Variants in AGBL4 observed in about 807,000 individuals in gnomAD.
AGBL4 encodes the protein cytosolic carboxypeptidase 6.
AGBL4 carries 58 observed loss-of-function variants against 66.4 expected under a neutral mutation model. That is an observed-to-expected ratio of 0.87 (90% CI 0.71 to 1.09). The LOEUF (loss-of-function observed/expected upper bound fraction) is 1.09. Ranked by LOEUF, AGBL4 falls within the 50% of genes least tolerant of loss-of-function variation. The pLI is 0.00. For synonymous variants in AGBL4, 234 were observed against 222.9 expected (o/e 1.05, Z -0.44); for missense variants, 579 against 631.0 (o/e 0.92, Z 0.88).
chr1:48,944,306 TGA>T (rs902048653), intron 5 of AGBL4, among the ~76,000 whole-genome samples: 2 of 152,078 alleles, frequency 1.3e-5, no homozygotes, highest in African/African-American at 4.8e-5. Context: ...AAAGCTGAGT[TGA>T]GTTTTCTCCT....
chr1:49,833,410 T>C (rs1410791809), intron 2 of AGBL4, among the ~76,000 whole-genome samples: 2 of 152,162 alleles, frequency 1.3e-5, no homozygotes, highest in African/African-American at 2.4e-5. Flanking sequence ...TGTAGTATAG[T>C]TTGAAGTCAG....
intron 3 of AGBL4, among the ~76,000 whole-genome samples, chr1:49,444,529 CT>C (rs894235410): frequency 2.0e-5 from 3 of 151,688 alleles, no homozygotes; most frequent in Admixed American, 6.6e-5. Context: ...ATGTAATAAC[CT>C]TTTTTTTCCT....
chr1:48,943,522 C>G (rs756417751), intron 5 of AGBL4, among the ~76,000 whole-genome samples: 4 of 152,228 alleles, frequency 2.6e-5, no homozygotes, highest in Non-Finnish European at 5.9e-5. Context: ...TACACTCCCA[C>G]TGAGGCATGC....
intron 3 of AGBL4, among the ~76,000 whole-genome samples, chr1:49,567,309 TGCACCCACTTTCCG>T (rs981136987): frequency 6.6e-6 from 1 of 152,208 alleles, no homozygotes; most frequent in Non-Finnish European, 1.5e-5. Flanking sequence ...CCCACTGTCC[TGCACCCACTTTCCG>T]GCACTCCCCA....
chr1:49,648,111 G>C (rs1320229421), intron 3 of AGBL4, among the ~76,000 whole-genome samples: 2 of 152,050 alleles, frequency 1.3e-5, no homozygotes, highest in African/African-American at 4.8e-5. Context: ...ATGCTAATGG[G>C]TGAAGTAGAC....
chr1:48,712,797 G>A (rs142321859), intron 6 of AGBL4, among the ~76,000 whole-genome samples: 54 of 152,334 alleles, frequency 3.5e-4, no homozygotes, highest in Admixed American at 2.0e-3. Context: ...TTATCAAATT[G>A]ACCTTGTCAG....
intron 1 of AGBL4, among the ~76,000 whole-genome samples, chr1:50,005,298 G>C (rs1339111784): frequency 1.3e-5 from 2 of 152,148 alleles, no homozygotes; most frequent in Admixed American, 1.3e-4. Context: ...TACAGAGAGA[G>C]AAACTCTGTT....
In AGBL4 at chr1:49,304,047, T is replaced by C. The variant is rs149095800; in HGVS notation, c.283-58183A>G. Among the ~76,000 whole-genome samples the C allele has an allele frequency of 1.4e-3, 207 of 152,334 alleles. 1 individual carries two copies. Among genetic ancestry groups the C allele is most frequent in the African/African-American group, 4.7e-3 (197 of 41,582 alleles). The stretch of plus-strand genomic sequence containing the variant: ...TGCTTTTGACATTTTTGTCATGAAA[T>C]CTGTGTGTGTCTATGTCCTGCATGG... On this transcript the variant is annotated intron_variant, in intron 3 of 13. Transcript: ENST00000371839.
At chr1:49,627,297 T>C (rs1199562162) in intron 3 of AGBL4, among the ~76,000 whole-genome samples, 3 of 152,124 alleles carry the variant, frequency 2.0e-5, no homozygotes, top group African/African-American at 7.2e-5. Context: ...AAAGAAAATA[T>C]TTTTAAATCT....
intron 3 of AGBL4, among the ~76,000 whole-genome samples, chr1:49,248,067 C>T (rs553575300): frequency 2.6e-5 from 4 of 152,232 alleles, no homozygotes; most frequent in African/African-American, 4.8e-5. Context: ...TTAGCAACAT[C>T]GCTTGTGGTG....
intron 1 of AGBL4, among the ~76,000 whole-genome samples, chr1:50,012,456 C>A (rs1007297257): frequency 6.6e-6 from 1 of 151,730 alleles, no homozygotes; most frequent in Non-Finnish European, 1.5e-5. Flanking sequence ...ATCACATGTA[C>A]CCTAATAAAT....
intron 4 of AGBL4, among the ~76,000 whole-genome samples, chr1:49,062,344 A>G (rs1644417960): frequency 1.3e-5 from 2 of 152,144 alleles, no homozygotes; most frequent in South Asian, 4.1e-4. Context: ...GTCTCAGCCC[A>G]TGATCACTTT....
At chr1:49,864,047 G>A (rs1428005965) in intron 1 of AGBL4, among the ~76,000 whole-genome samples, 1 of 152,118 alleles carries the variant, frequency 6.6e-6, no homozygotes, top group Non-Finnish European at 1.5e-5. Context: ...AGAAAATGTG[G>A]TAGGTACATA....
At chr1:49,955,473 A>G (rs1656517964) in intron 1 of AGBL4, among the ~76,000 whole-genome samples, 1 of 151,910 alleles carries the variant, frequency 6.6e-6, no homozygotes, top group Non-Finnish European at 1.5e-5. Flanking sequence ...TGCCTAGATA[A>G]TTGAGTGATG....
At chr1:49,270,676 A>G (rs1644037954) in intron 3 of AGBL4, among the ~76,000 whole-genome samples, 1 of 152,082 alleles carries the variant, frequency 6.6e-6, no homozygotes, top group African/African-American at 2.4e-5. Context: ...TTCCCTCTCT[A>G]GAAAACACCT....
chr1:49,647,215 CT>C (rs1645907423), intron 3 of AGBL4, among the ~76,000 whole-genome samples: 10 of 151,998 alleles, frequency 6.6e-5, no homozygotes, highest in Admixed American at 6.6e-4. Context: ...CAAACCAAGG[CT>C]TCCCATTTCC....
At chr1:49,208,403 C>T (rs1052846584) in intron 4 of AGBL4, among the ~76,000 whole-genome samples, 4 of 152,102 alleles carry the variant, frequency 2.6e-5, no homozygotes, top group Admixed American at 1.3e-4. Context: ...ACCCTATCAG[C>T]AGTACTCCCC....
At chr1:49,861,575 A>T (rs2148085923) in intron 1 of AGBL4, among the ~76,000 whole-genome samples, 1 of 152,176 alleles carries the variant, frequency 6.6e-6, no homozygotes, top group African/African-American at 2.4e-5. Flanking sequence ...ACTTTTTCAA[A>T]GTTATTTCAA....
chr1:49,916,440 C>A (rs1651505578), intron 1 of AGBL4, among the ~76,000 whole-genome samples: 1 of 152,148 alleles, frequency 6.6e-6, no homozygotes, highest in South Asian at 2.1e-4. Context: ...GATGAATGCA[C>A]AAGCTTCAGT....
Sources: gnomAD v4.1 joint callset for allele counts (sites outside exome capture counted in the v4.1 genomes callset) on GRCh38, gnomAD v4.1.1 for gene constraint, MANE v1.5 for transcripts, NCBI Gene and HGNC (gene_info 2026-07-23, HGNC 2026-07-21) for gene names.